The following PDSS2 variants were observed in gnomAD, a reference collection of about 807,000 sequenced individuals.
PDSS2 encodes all trans-polyprenyl-diphosphate synthase PDSS2.
PDSS2 carries 31 observed loss-of-function variants against 44.5 expected under a neutral mutation model. The observed-to-expected ratio is 0.70, with a 90% CI of 0.52 to 0.94. PDSS2 has a LOEUF of 0.94. Ranked by LOEUF, PDSS2 falls within the 40% of genes least tolerant of loss-of-function variation. PDSS2 has a pLI of 0.00. For synonymous variants in PDSS2, 157 were observed against 180.3 expected, an observed-to-expected ratio of 0.87 and a Z score of 1.03; for missense variants, 452 against 482.2, an observed-to-expected ratio of 0.94 and a Z score of 0.59.
At chr6:107,302,803 T>C (rs1776738927) in intron 2 of PDSS2, among the ~76,000 whole-genome samples, 1 of 151,894 alleles carries the variant, frequency 6.6e-6, no homozygotes, top group African/African-American at 2.4e-5. Context: ...CCTTAAAACA[T>C]TGTAGCTGGT....
intron 1 of PDSS2, among the ~76,000 whole-genome samples, chr6:107,355,216 G>C (rs1341511384): frequency 6.6e-6 from 1 of 152,140 alleles, no homozygotes; most frequent in Non-Finnish European, 1.5e-5. Context: ...ATCACGCCCG[G>C]CCCTTTCTAT....
chr6:107,368,254 C>A (rs796632744), intron 1 of PDSS2, among the ~76,000 whole-genome samples: 10 of 141,550 alleles, frequency 7.1e-5, no homozygotes, highest in African/African-American at 2.7e-4. Context: ...GGTGACAGAG[C>A]GAGACTCGTC....
rs1231780011 is a variant in PDSS2 at position 107,170,615 on chromosome 6, CCCCCA to C, written c.1042-15843_1042-15839del. Among the ~76,000 whole-genome samples the C allele has an allele frequency of 6.9e-4, 94 of 137,114 alleles. 1 individual carries two copies. Among genetic ancestry groups the C allele is most frequent in the African/African-American group, 2.5e-3 (88 of 35,528 alleles). The allele number at this position is 137,114 out of a possible 152,430, so 90.0% of individuals were successfully genotyped here. ...CGGCCATCTTGGAACCACCCCCCCC[CCCCCA>C]CTTTTTTTTTTCTGAGACAGCCTCA... is the stretch of plus-strand genomic sequence containing the variant. On this transcript the variant is annotated intron_variant, in intron 7 of 7. Transcript: ENST00000369037.
At chr6:107,342,538 A>C (rs904616460) in intron 1 of PDSS2, among the ~76,000 whole-genome samples, 3 of 152,210 alleles carry the variant, frequency 2.0e-5, no homozygotes, top group African/African-American at 7.2e-5. Context: ...TAAGTTTTAG[A>C]GAAAACTCAA....
In PDSS2 at chr6:107,408,896, A is replaced by G. The variant is rs184460358; in HGVS notation, c.296+50094T>C. ...CTACGAAGGAAAATGACAGGAAACAATACTTCCTAGTTATTCATATCTCAT... is the reference window on the plus strand; with the variant it reads ...CTACGAAGGAAAATGACAGGAAACAGTACTTCCTAGTTATTCATATCTCAT... On this transcript the variant is annotated intron_variant, in intron 1 of 7. Coordinates refer to ENST00000369037, the MANE Select transcript of PDSS2 (RefSeq NM_020381.4). 3.2e-4 allele frequency among the ~76,000 whole-genome samples: 48 copies of G among 152,278 alleles called. 1 individual carries two copies. Among genetic ancestry groups the G allele is most frequent in the Admixed American group, 2.8e-3 (43 of 15,290 alleles).
chr6:107,445,343 G>C (rs1285171974), intron 1 of PDSS2, among the ~76,000 whole-genome samples: 3 of 152,000 alleles, frequency 2.0e-5, no homozygotes, highest in African/African-American at 7.3e-5. Flanking sequence ...TCACATACCT[G>C]GGCCATCCAG....
In PDSS2 at chr6:107,240,317, C is replaced by T. The variant is rs187622001; in HGVS notation, c.702+5231G>A. Among the ~76,000 whole-genome samples the T allele has an allele frequency of 2.7e-3, 406 of 151,884 alleles. 2 individuals are homozygous for T. Among genetic ancestry groups the T allele is most frequent in the African/African-American group, 8.7e-3 (361 of 41,426 alleles). The stretch of plus-strand genomic sequence containing the variant: ...CCAGCTATTCGGAAGGCAAGGACTG[C>T]TTGAGCCCAGGAGTTCAAGGTTTCA... On this transcript the variant is annotated intron_variant, in intron 4 of 7. Transcript: ENST00000369037.
Position 107,301,498 on chromosome 6 carries a change from T to C in PDSS2, c.432-27271A>G, listed in dbSNP as rs550498120. 2.0e-5 allele frequency among the ~76,000 whole-genome samples: 3 copies of C among 152,288 alleles called. No homozygotes were observed. In the East Asian group the frequency reaches 5.8e-4, roughly 29 times the overall value. On this transcript the variant is annotated intron_variant, in intron 2 of 7. Coordinates refer to ENST00000369037, the MANE Select transcript of PDSS2 (RefSeq NM_020381.4). ...ACAAGCATTACTTTCAGACACCTAC[T>C]GTAGCTGTCATTTATATACCTTGGA... is the stretch of plus-strand genomic sequence containing the variant.
intron 2 of PDSS2, among the ~76,000 whole-genome samples, chr6:107,287,190 CA>C (rs1416334050): frequency 6.6e-6 from 1 of 152,138 alleles, no homozygotes; most frequent in Non-Finnish European, 1.5e-5. Flanking sequence ...CCCCAAGAGC[CA>C]AATAAAGCCC....
intron 2 of PDSS2, among the ~76,000 whole-genome samples, chr6:107,304,441 TA>T (rs1323692411): frequency 6.6e-6 from 1 of 152,246 alleles, no homozygotes; most frequent in Non-Finnish European, 1.5e-5. Context: ...TTAGGATTTT[TA>T]TCTATGTATA....
chr6:107,372,369 G>A (rs933090019), intron 1 of PDSS2, among the ~76,000 whole-genome samples: 2 of 152,206 alleles, frequency 1.3e-5, no homozygotes, highest in African/African-American at 4.8e-5. Flanking sequence ...ATTGCATTTA[G>A]GGTAAATTCA....
At chr6:107,232,090 G>A (rs12191570) in intron 4 of PDSS2, among the ~76,000 whole-genome samples, 8,447 of 152,180 alleles carry the variant, frequency 0.056, 482 homozygotes, top group African/African-American at 0.15. Context: ...TTGCTAGCAC[G>A]TAATAGGTAC....
At chr6:107,245,418 C>CAAAAAAAAAAAAAAAAAAAAAAAAAAAA (rs35614951) in intron 4 of PDSS2, 130 bp downstream of exon 4, 1 of 115,906 alleles carries the variant, frequency 8.6e-6, no homozygotes, top group Non-Finnish European at 1.6e-5. Context: ...AAACACTAAT[C>CAAAAAAAAAAAAAAAAAAAAAAAAAAAA]AAAAAAAAAA....
intron 6 of PDSS2, among the ~76,000 whole-genome samples, chr6:107,207,371 A>C (rs1158506290): frequency 1.3e-5 from 2 of 152,146 alleles, no homozygotes; most frequent in Non-Finnish European, 2.9e-5. Context: ...GAAGGAAAGG[A>C]TCTCAAAGAT....
At chr6:107,363,161 T>A (rs1029131567) in intron 1 of PDSS2, among the ~76,000 whole-genome samples, 1 of 152,204 alleles carries the variant, frequency 6.6e-6, no homozygotes, top group African/African-American at 2.4e-5. Flanking sequence ...ATGAAAACTG[T>A]TAATTTACAG....
intron 1 of PDSS2, among the ~76,000 whole-genome samples, chr6:107,450,672 C>T (rs1412605416): frequency 6.6e-6 from 1 of 152,150 alleles, no homozygotes. Context: ...GGATTTTCAA[C>T]CTATAATTCT....
intron 2 of PDSS2, among the ~76,000 whole-genome samples, chr6:107,293,863 A>G (rs2115032411): frequency 6.6e-6 from 1 of 152,346 alleles, no homozygotes; most frequent in African/African-American, 2.4e-5. Context: ...GCTTTTACCT[A>G]TGAATACTGG....
intron 7 of PDSS2, among the ~76,000 whole-genome samples, chr6:107,161,308 G>A (rs553082093): frequency 7.9e-5 from 12 of 151,780 alleles, no homozygotes; most frequent in South Asian, 4.2e-4. Context: ...GAGAAACCCC[G>A]TCTCTACTAA....
intron 7 of PDSS2, among the ~76,000 whole-genome samples, chr6:107,167,014 C>G (rs1554247648): frequency 1.3e-5 from 2 of 152,270 alleles, no homozygotes. Context: ...GGAGGATTCC[C>G]TCTTTTTCTA....
Sources: allele counts gnomAD v4.1 joint callset (sites outside exome capture counted in the v4.1 genomes callset), GRCh38; gene constraint gnomAD v4.1.1; transcripts MANE v1.5; gene names NCBI Gene and HGNC (gene_info 2026-07-23, HGNC 2026-07-21).